TANGO6: variants seen among roughly 807,000 people sequenced by gnomAD.
TANGO6 encodes the protein transport and Golgi organization protein 6 homolog.
TANGO6 carries 90 observed loss-of-function variants against 114.2 expected under a neutral mutation model. The ratio of observed to expected loss-of-function variants is 0.79; its 90% CI spans 0.66 to 0.94. The LOEUF (loss-of-function observed/expected upper bound fraction) is 0.94. TANGO6 is among the 40% of genes least tolerant of loss of function. The pLI, the probability that TANGO6 is intolerant of heterozygous loss-of-function variation, is 0.00. For synonymous variants in TANGO6, 477 were observed against 509.8 expected (o/e 0.94, Z 0.87); for missense variants, 1,274 against 1,315.3 (o/e 0.97, Z 0.49).
chr16:69,004,019 T>A lies in TANGO6; in HGVS notation c.2843-18809T>A, dbSNP rs537155484. Among the ~76,000 whole-genome samples the A allele has an allele frequency of 4.9e-4, 75 of 151,582 alleles. No individual in the cohort carries two copies. The Middle Eastern group carries it at 0.014, about 27-fold the overall frequency. On this transcript the variant is annotated intron_variant, in intron 15 of 17. Transcript: ENST00000261778. ...CATCTGAATTGGCAAAAAAAAAAAA[T>A]TTTTTTCAATAGCAGCATATCTTCT...
chr16:69,076,088 CTTTTTT>C (rs34844519), intron 17 of TANGO6, among the ~76,000 whole-genome samples: 3 of 85,674 alleles, frequency 3.5e-5, no homozygotes, highest in South Asian at 4.4e-4. Flanking sequence ...TATTTCATTT[CTTTTTT>C]TTTTTTTTTT....
At chr16:68,973,935 C>A in intron 14 of TANGO6, 93 bp from the exon 15 acceptor site, 1 of 1,404,316 alleles carries the variant, frequency 7.1e-7, no homozygotes, top group Non-Finnish European at 9.8e-7. Context: ...TGGTTTTCAG[C>A]ATCTCTGCGT....
At chr16:69,075,284 A>G (rs1397562972) in intron 17 of TANGO6, among the ~76,000 whole-genome samples, 1 of 151,018 alleles carries the variant, frequency 6.6e-6, no homozygotes, top group African/African-American at 2.4e-5. Context: ...CATGAATTTT[A>G]CTGTTCATCT....
chr16:68,854,138 T>G (rs1427799699), intron 1 of TANGO6, among the ~76,000 whole-genome samples: 1 of 152,190 alleles, frequency 6.6e-6, no homozygotes, highest in Non-Finnish European at 1.5e-5. Context: ...GTTTTTTTCC[T>G]TTTGGCTCAT....
At chr16:69,066,266 C>T (rs768968991) in intron 17 of TANGO6, among the ~76,000 whole-genome samples, 13 of 152,240 alleles carry the variant, frequency 8.5e-5, no homozygotes, top group Middle Eastern at 3.4e-3. Flanking sequence ...TGCCTTTCCC[C>T]CTCCTATTCA....
intron 15 of TANGO6, among the ~76,000 whole-genome samples, chr16:69,001,629 G>A (rs1193111474): frequency 2.0e-5 from 3 of 152,052 alleles, no homozygotes; most frequent in African/African-American, 7.2e-5. Flanking sequence ...GGCACAGTTA[G>A]AAAGCAAAAC....
intron 16 of TANGO6, among the ~76,000 whole-genome samples, chr16:69,027,879 C>T (rs1381779105): frequency 6.6e-6 from 1 of 151,884 alleles, no homozygotes; most frequent in Non-Finnish European, 1.5e-5. Context: ...CTCCCAGGTT[C>T]GAGCAATTCT....
At chr16:68,891,778 T>TAAGGAAGGAAGG (rs1164364594) in intron 7 of TANGO6, among the ~76,000 whole-genome samples, 1 of 140,162 alleles carries the variant, frequency 7.1e-6, no homozygotes, top group Non-Finnish European at 1.5e-5. Flanking sequence ...AGCTACAGCT[T>TAAGGAAGGAAGG]AAGGAAGGAA....
intron 1 of TANGO6, among the ~76,000 whole-genome samples, chr16:68,855,009 CTTT>C (rs111359815): frequency 6.9e-6 from 1 of 145,022 alleles, no homozygotes; most frequent in Admixed American, 6.8e-5. Flanking sequence ...CATCTTTTTT[CTTT>C]TTTTTTTTCC....
chr16:69,018,819 C>G, intron 15 of TANGO6, among the ~76,000 whole-genome samples: 1 of 151,986 alleles, frequency 6.6e-6, no homozygotes, highest in Admixed American at 6.6e-5. Flanking sequence ...CCCAGCTACT[C>G]AGGAGGTTGA....
chr16:69,008,411 T>C lies in TANGO6; in HGVS notation c.2843-14417T>C, dbSNP rs572422385. On this transcript the variant is annotated intron_variant, in intron 15 of 17. Transcript: ENST00000261778. ...AGATTTACTCCTGTTTTCTTGTTTTTTGTACAGCCGAGATCTTGCTATGTT... is the reference window on the plus strand; with the variant it reads ...AGATTTACTCCTGTTTTCTTGTTTTCTGTACAGCCGAGATCTTGCTATGTT... Among the ~76,000 whole-genome samples, 7 of 152,318 alleles carry C rather than the reference T, an allele frequency of 4.6e-5. No individual in the cohort carries two copies. The East Asian group carries it at 1.3e-3, about 29-fold the overall frequency.
chr16:68,853,941 C>T (rs1444397821), intron 1 of TANGO6, among the ~76,000 whole-genome samples: 3 of 152,086 alleles, frequency 2.0e-5, no homozygotes, highest in African/African-American at 4.8e-5. Flanking sequence ...TTTGAAGTAT[C>T]TGAATAATTG....
intron 7 of TANGO6, among the ~76,000 whole-genome samples, chr16:68,898,434 C>G (rs1195199609): frequency 6.6e-6 from 1 of 152,160 alleles, no homozygotes; most frequent in Non-Finnish European, 1.5e-5. Flanking sequence ...AACGTTGATT[C>G]CTACTTCAAA....
chr16:68,952,301 C>T (rs1036826014), intron 14 of TANGO6, among the ~76,000 whole-genome samples: 9 of 152,290 alleles, frequency 5.9e-5, no homozygotes, highest in East Asian at 3.9e-4. Flanking sequence ...CAGACTTCCC[C>T]TTAAATACAG....
chr16:69,006,187 G>C (rs370358665), intron 15 of TANGO6, among the ~76,000 whole-genome samples: 1 of 152,074 alleles, frequency 6.6e-6, no homozygotes, highest in Non-Finnish European at 1.5e-5. Flanking sequence ...GCAGATCACC[G>C]AAGAATCCAG....
At chr16:68,980,586 T>A (rs1265010741) in intron 15 of TANGO6, among the ~76,000 whole-genome samples, 2 of 151,554 alleles carry the variant, frequency 1.3e-5, no homozygotes, top group Non-Finnish European at 2.9e-5. Context: ...TACTCAGGAC[T>A]CCGAGGTGGG....
At chr16:69,028,872 A>G (rs953962599) in intron 16 of TANGO6, among the ~76,000 whole-genome samples, 3 of 147,896 alleles carry the variant, frequency 2.0e-5, no homozygotes, top group East Asian at 3.9e-4. Flanking sequence ...AAAAAAAAAA[A>G]AAGAAAAAGA....
At chr16:69,042,718 T>C (rs1114931) in intron 17 of TANGO6, among the ~76,000 whole-genome samples, 83,477 of 151,868 alleles carry the variant, frequency 0.55, 23,741 homozygotes, top group Non-Finnish European at 0.63. Flanking sequence ...GGGACAATAA[T>C]ACACATTGCT....
chr16:69,065,677 C>T (rs1760161603), intron 17 of TANGO6, among the ~76,000 whole-genome samples: 3 of 152,130 alleles, frequency 2.0e-5, no homozygotes. Context: ...CCACTGTGAA[C>T]TTCAGTGTGT....
Sources: gnomAD v4.1 joint callset for allele counts (sites outside exome capture counted in the v4.1 genomes callset) on GRCh38, gnomAD v4.1.1 for gene constraint, MANE v1.5 for transcripts, NCBI Gene and HGNC (gene_info 2026-07-23, HGNC 2026-07-21) for gene names.